Variants in IL27RA observed in about 807,000 individuals in gnomAD.
The protein encoded by IL27RA is interleukin-27 receptor subunit alpha.
A neutral mutation model predicts 80.8 loss-of-function variants in IL27RA; 61 were observed. That is an observed-to-expected ratio of 0.76 (90% CI 0.61 to 0.93). The LOEUF is 0.93. Ranked by LOEUF, IL27RA falls within the 40% of genes least tolerant of loss-of-function variation. The pLI is 0.00. For missense variants in IL27RA, 735 were observed against 808.1 expected (o/e 0.91, Z 1.10); for synonymous variants, 316 against 332.5 (o/e 0.95, Z 0.54).
chr19:14,032,023 C>T, intron 1 of IL27RA, 51 bp downstream of exon 1: 1 of 1,489,360 alleles, frequency 6.7e-7, no homozygotes, highest in Non-Finnish European at 9.2e-7. Context: ...GCGCTCCCCG[C>T]GAAGGCGCCA....
intron 10 of IL27RA, among the ~76,000 whole-genome samples, chr19:14,050,450 T>G (rs1257486579): frequency 6.9e-6 from 1 of 145,956 alleles, no homozygotes; most frequent in African/African-American, 2.6e-5. Flanking sequence ...TGCAGTGAGC[T>G]GAGATCACAT....
intron 8 of IL27RA, among the ~76,000 whole-genome samples, chr19:14,048,614 A>T (rs749572775): frequency 6.6e-5 from 10 of 152,112 alleles, no homozygotes; most frequent in Non-Finnish European, 1.2e-4. Context: ...CCTGCCTGAG[A>T]AGCAAGATGG....
intron 6 of IL27RA, among the ~76,000 whole-genome samples, chr19:14,045,596 G>C (rs1976053311): frequency 7.7e-6 from 1 of 130,250 alleles, no homozygotes; most frequent in African/African-American, 3.3e-5. Context: ...GCGAGACTCT[G>C]TCTCAAAAAA....
chr19:14,052,445 GAT>G lies in IL27RA; in HGVS notation c.*156_*157del. ...AGGACACCCAGCCAGGCAGAGCTGG[GAT>G]TGAAGGACCCCTATAGAGAAGGGCT... On this transcript the variant is annotated 3_prime_UTR_variant, in exon 14 of 14. Coordinates refer to ENST00000263379, the MANE Select transcript of IL27RA (RefSeq NM_004843.4). The G allele has an allele frequency of 3.4e-6, 2 of 594,092 alleles. No individual in the cohort carries two copies. Among genetic ancestry groups the G allele is most frequent in the Non-Finnish European group, 5.6e-6 (2 of 359,348 alleles). 36.8% of individuals were successfully genotyped at this position (594,092 alleles called of 1,614,324 possible).
At chr19:14,051,402 G>A (rs1203702544) in intron 11 of IL27RA, among the ~76,000 whole-genome samples, 3 of 151,836 alleles carry the variant, frequency 2.0e-5, no homozygotes, top group Non-Finnish European at 4.4e-5. Flanking sequence ...AAAATTAGCT[G>A]GGCGTGGTGG....
At position 14,031,801 on chromosome 19, in the gene IL27RA, G is replaced by A. The variant is rs1975816414; in HGVS notation, c.-72G>A. 4 of 1,314,772 alleles carry A rather than the reference G, an allele frequency of 3.0e-6. No homozygotes were observed. The highest frequency in any genetic ancestry group is 4.2e-6 in the Non-Finnish European group (4 of 957,280). 81.4% of individuals were successfully genotyped at this position (1,314,772 alleles called of 1,614,324 possible). ...TGCCGCCTCGGGCGCTGTACCCAGA[G>A]CTCGAAGAGGAGCAGCGCGGCCGCG... On this transcript the variant is annotated 5_prime_UTR_variant, in exon 1 of 14. Transcript: ENST00000263379.
rs185882225 is a variant in IL27RA at position 14,049,668 on chromosome 19, G to A, written c.1402+354G>A. ...ACGATCTCAGCTCACTGCAACCTCC[G>A]CCTCCCAGGTTCAAGCAATTCTCCT... On this transcript the variant is annotated intron_variant, in intron 10 of 13. Coordinates refer to ENST00000263379, the MANE Select transcript of IL27RA (RefSeq NM_004843.4). Among the ~76,000 whole-genome samples the A allele has an allele frequency of 4.1e-5, 6 of 147,258 alleles. No homozygotes were observed. The East Asian group carries it at 6.1e-4, about 15-fold the overall frequency.
chr19:14,046,501 C>T lies in IL27RA; in HGVS notation c.1024C>T (p.Gln342Ter). 1 of 1,614,150 alleles carries T rather than the reference C, an allele frequency of 6.2e-7. No homozygotes were observed. The highest frequency in any genetic ancestry group is 2.2e-5 in the East Asian group (1 of 44,868). ...GAGCACGGAGCTACTGGTGACCTGG[C>T]AACCGGGGCCTGGGGAACCACTGGA... ...AGSTELLVTW[Q>*]PGPGEPLEHV... is the part of the protein sequence containing the mutation. The change falls in exon 8 of 14, where the codon CAA becomes TAA. Residue 342 changes from glutamine (Q) to a stop codon, truncating the protein, a stop_gained. Coordinates refer to ENST00000263379, the MANE Select transcript of IL27RA (RefSeq NM_004843.4). LOFTEE classifies it high-confidence loss of function.
chr19:14,039,624 A>G lies in IL27RA; in HGVS notation c.335A>G (p.Gln112Arg). 6.2e-7 allele frequency: 1 copy of G among 1,614,118 alleles called. No individual in the cohort carries two copies. ...KLLVWGTKAGQPLWPPVFVNL... is the reference protein window; with the variant it reads ...KLLVWGTKAGRPLWPPVFVNL... ...CTTGTCTGGGGCACTAAGGCAGGCC[A>G]GCCTCTCTGGCCCCCCGTCTTCGTG... Residue 112 changes from glutamine (Q) to arginine (R), a missense_variant, in exon 3 of 14, where the codon CAG (glutamine) becomes CGG (arginine). By Grantham distance (43) the Gln-to-Arg change is conservative. Coordinates refer to ENST00000263379, the MANE Select transcript of IL27RA (RefSeq NM_004843.4).
At position 14,052,602 on chromosome 19, in the gene IL27RA, A is replaced by C. The variant is rs1264892253; in HGVS notation, c.*312A>C. 1 of 272,630 alleles carries C rather than the reference A, an allele frequency of 3.7e-6. No individual in the cohort carries two copies. The highest frequency in any genetic ancestry group is 6.9e-6 in the Non-Finnish European group (1 of 145,862). 16.9% of individuals were successfully genotyped at this position (272,630 alleles called of 1,614,324 possible). ...AATTTGGACCCCAGCACAGTGGCTCACGCCTGTAATCCCAGCACTTTGGCA... is the reference window on the plus strand; with the variant it reads ...AATTTGGACCCCAGCACAGTGGCTCCCGCCTGTAATCCCAGCACTTTGGCA... On this transcript the variant is annotated 3_prime_UTR_variant, in exon 14 of 14. Coordinates refer to ENST00000263379, the MANE Select transcript of IL27RA (RefSeq NM_004843.4).
intron 2 of IL27RA, among the ~76,000 whole-genome samples, chr19:14,036,614 G>A (rs906006574): frequency 1.3e-5 from 2 of 149,230 alleles, no homozygotes; most frequent in South Asian, 2.1e-4. Flanking sequence ...TCAGCCTCCC[G>A]AGTAGCTGAG....
chr19:14,032,088 A>C, intron 1 of IL27RA, 116 bp downstream of exon 1: 1 of 918,426 alleles, frequency 1.1e-6, no homozygotes, highest in Non-Finnish European at 1.6e-6. Context: ...TGCAGGCGCC[A>C]CTCGGCTCCT....
rs1261225833 is a variant in IL27RA, at chr19:14,031,853, C to T, written c.-20C>T. On this transcript the variant is annotated 5_prime_UTR_variant, in exon 1 of 14. Coordinates refer to ENST00000263379, the MANE Select transcript of IL27RA (RefSeq NM_004843.4). ...GGACCCGGCAAGGCTGGGCCGGACT[C>T]GGGGCTCCCGAGGGACGCCATGCGG... The T allele has an allele frequency of 6.3e-7, 1 of 1,576,126 alleles. No individual in the cohort carries two copies. Among genetic ancestry groups the T allele is most frequent in the Non-Finnish European group, 8.6e-7 (1 of 1,162,296 alleles).
At chr19:14,034,767 A>G (rs1312934857) in intron 2 of IL27RA, among the ~76,000 whole-genome samples, 1 of 151,642 alleles carries the variant, frequency 6.6e-6, no homozygotes, top group Non-Finnish European at 1.5e-5. Flanking sequence ...CCTGGCTAAC[A>G]CGGTGAAACC....
rs1165476266 is a variant in IL27RA at position 14,052,161 on chromosome 19, G to A, written c.1782G>A (p.Pro594=). 9.3e-6 allele frequency: 15 copies of A among 1,613,124 alleles called. No homozygotes were observed. Among genetic ancestry groups the A allele is most frequent in the East Asian group, 2.2e-5 (1 of 44,878 alleles). The change falls in exon 14 of 14, where the codon CCG becomes CCA. Residue 594 remains proline, a synonymous_variant. Coordinates refer to ENST00000263379, the MANE Select transcript of IL27RA (RefSeq NM_004843.4). ...PILEVEEMEP[P]PVMESSQPAQ... ...TGGAAGTGGAGGAGATGGAGCCCCCGCCGGTTATGGAGTCCTCCCAGCCCG... is the reference window on the plus strand; with the variant it reads ...TGGAAGTGGAGGAGATGGAGCCCCCACCGGTTATGGAGTCCTCCCAGCCCG...
In IL27RA at chr19:14,046,584, G is replaced by C. The variant is rs376205155; in HGVS notation, c.1107G>C (p.Arg369=). Residue 369 remains arginine, a synonymous_variant, in exon 8 of 14, where the codon CGG becomes CGC. Transcript: ENST00000263379. ...CCCTGGAGAAACTCAACTGGGTCCG[G>C]CTTCCCCCTGGGAACCTCAGTGCTC... ...GDPLEKLNWV[R]LPPGNLSALL... is the part of the protein sequence containing the mutation. 7 of 1,611,870 alleles carry C rather than the reference G, an allele frequency of 4.3e-6. No homozygotes were observed. Among genetic ancestry groups the C allele is most frequent in the Non-Finnish European group, 5.1e-6 (6 of 1,178,830 alleles).
intron 11 of IL27RA, 25 bp downstream of exon 11, chr19:14,050,908 C>T (rs1334373178): frequency 6.3e-7 from 1 of 1,594,554 alleles, no homozygotes; most frequent in East Asian, 2.3e-5. Flanking sequence ...ATGGGATTGC[C>T]ACAGGGAGGG....
intron 2 of IL27RA, among the ~76,000 whole-genome samples, chr19:14,032,902 C>A (rs1001543645): frequency 5.7e-4 from 86 of 151,590 alleles, no homozygotes; most frequent in African/African-American, 2.0e-3. Context: ...ATTCTAGCTT[C>A]CCTCGTTTCT....
rs1433349316 is a variant in IL27RA at position 14,052,751 on chromosome 19, C to T, written c.*461C>T. The T allele has an allele frequency of 6.5e-6, 1 of 153,904 alleles. No individual in the cohort carries two copies. Among genetic ancestry groups the T allele is most frequent in the Non-Finnish European group, 1.4e-5 (1 of 69,316 alleles). The allele number at this position is 153,904 out of a possible 1,614,324, so 9.5% of individuals were successfully genotyped here. On this transcript the variant is annotated 3_prime_UTR_variant, in exon 14 of 14. Transcript: ENST00000263379. Reference sequence around the variant, plus strand: ...ACAATTAGCTGGGCATGATGGCACACACCTGTAGTCCGAGCCACTTGGGAG... The same window carrying T: ...ACAATTAGCTGGGCATGATGGCACATACCTGTAGTCCGAGCCACTTGGGAG...
Sources: gnomAD v4.1 joint callset for allele counts (sites outside exome capture counted in the v4.1 genomes callset) on GRCh38, gnomAD v4.1.1 for gene constraint, MANE v1.5 for transcripts, NCBI Gene and HGNC (gene_info 2026-07-23, HGNC 2026-07-21) for gene names.